DOCK1: variants seen among roughly 807,000 people sequenced by gnomAD.
The protein encoded by DOCK1 is dedicator of cytokinesis 1, also known as dedicator of cytokinesis protein 1.
DOCK1 carries 138 observed loss-of-function variants against 262.7 expected under a neutral mutation model. That is an observed-to-expected ratio of 0.53 (90% CI 0.46 to 0.61). DOCK1 has a LOEUF of 0.61. Among genes scored for constraint, DOCK1 ranks in the 20% least tolerant of loss-of-function variants. The probability of loss-of-function intolerance (pLI) is 0.00; values close to 1 mark genes in which losing one functional copy is unlikely to be tolerated. For synonymous variants in DOCK1, 866 were observed against 867.4 expected (o/e 1.00, Z 0.03); for missense variants, 1,908 against 2,370.7 (o/e 0.80, Z 4.05).
At chr10:127,025,786 G>A (rs1288174516) in intron 15 of DOCK1, among the ~76,000 whole-genome samples, 9 of 152,062 alleles carry the variant, frequency 5.9e-5, no homozygotes, top group African/African-American at 1.7e-4. Context: ...ATCTTGGCCG[G>A]ATGTGGTGGC....
intron 1 of DOCK1, among the ~76,000 whole-genome samples, chr10:126,912,725 CG>C (rs1315162501): frequency 3.7e-5 from 1 of 27,354 alleles, no homozygotes; most frequent in Non-Finnish European, 8.7e-5. Flanking sequence ...GACTCCATCT[CG>C]GAAAAAAAAA....
chr10:127,365,221 G>A (rs577495288), intron 33 of DOCK1, among the ~76,000 whole-genome samples: 253 of 152,352 alleles, frequency 1.7e-3, no homozygotes, highest in South Asian at 3.9e-3. Context: ...TAACTGTGCA[G>A]TGAACACATT....
intron 28 of DOCK1, among the ~76,000 whole-genome samples, chr10:127,252,146 G>C (rs1408510098): frequency 6.9e-6 from 1 of 144,414 alleles, no homozygotes; most frequent in Non-Finnish European, 1.5e-5. Flanking sequence ...GTGATGGTGA[G>C]CATTTTTTCA....
At chr10:127,128,797 A>G (rs959602598) in intron 27 of DOCK1, among the ~76,000 whole-genome samples, 1 of 152,162 alleles carries the variant, frequency 6.6e-6, no homozygotes, top group African/African-American at 2.4e-5. Flanking sequence ...ATGTACACGT[A>G]TGTTTATTGC....
At chr10:127,123,265 T>G (rs1408530049) in intron 25 of DOCK1, among the ~76,000 whole-genome samples, 5 of 88,468 alleles carry the variant, frequency 5.7e-5, no homozygotes, top group African/African-American at 1.4e-4. Flanking sequence ...CTCTGAGGTT[T>G]CTTGGAAATT....
intron 23 of DOCK1, among the ~76,000 whole-genome samples, chr10:127,084,752 C>A (rs2047100792): frequency 6.6e-6 from 1 of 152,172 alleles, no homozygotes; most frequent in African/African-American, 2.4e-5. Context: ...TCCACCTGTC[C>A]TCCACCCACC....
chr10:127,294,054 C>G (rs145196132), intron 29 of DOCK1, among the ~76,000 whole-genome samples: 1 of 152,168 alleles, frequency 6.6e-6, no homozygotes, highest in African/African-American at 2.4e-5. Flanking sequence ...AGTGTGTGCT[C>G]GCCCACGTTA....
At position 127,032,164 on chromosome 10, in the gene DOCK1, G is replaced by A. The variant is rs1356201975; in HGVS notation, c.1756G>A (p.Ala586Thr). ...KAEAKKLEDAATYLSLPSTKA... is the reference protein window; with the variant it reads ...KAEAKKLEDATTYLSLPSTKA... The stretch of plus-strand genomic sequence containing the variant: ...CGAAGCAAAGAAGCTGGAAGATGCT[G>A]CCACGTACTTGAGTCTGCCCTCCAC... Residue 586 changes from alanine to threonine, a missense_variant, in exon 18 of 52, where the codon GCC becomes ACC. Coordinates refer to ENST00000623213, the MANE Select transcript of DOCK1 (RefSeq NM_001290223.2). 1 of 1,596,638 alleles carries A rather than the reference G, an allele frequency of 6.3e-7. No homozygotes were observed. The highest frequency in any genetic ancestry group is 1.3e-5 in the African/African-American group (1 of 74,692).
chr10:127,241,156 C>G (rs779260943), intron 27 of DOCK1, among the ~76,000 whole-genome samples: 1 of 152,084 alleles, frequency 6.6e-6, no homozygotes, highest in Non-Finnish European at 1.5e-5. Context: ...AACCCTGTCT[C>G]TACTAAAAAT....
chr10:127,375,081 A>G (rs1482469669), intron 35 of DOCK1, among the ~76,000 whole-genome samples: 1 of 152,228 alleles, frequency 6.6e-6, no homozygotes, highest in Non-Finnish European at 1.5e-5. Context: ...TTGCCCTGAT[A>G]CAGCTGGGTT....
chr10:127,191,216 A>G (rs1026522935), intron 27 of DOCK1, among the ~76,000 whole-genome samples: 1 of 152,024 alleles, frequency 6.6e-6, no homozygotes, highest in Non-Finnish European at 1.5e-5. Flanking sequence ...GTAATCTCCT[A>G]TCCTGATTCT....
chr10:126,967,597 A>G (rs2037767026), intron 1 of DOCK1, among the ~76,000 whole-genome samples: 1 of 151,892 alleles, frequency 6.6e-6, no homozygotes, highest in African/African-American at 2.4e-5. Context: ...TCAGTGGCCC[A>G]TGCTCCCACG....
chr10:127,443,402 G>GCC (rs1416298626), intron 49 of DOCK1, among the ~76,000 whole-genome samples: 5 of 152,152 alleles, frequency 3.3e-5, no homozygotes, highest in Non-Finnish European at 7.3e-5. Flanking sequence ...GTGGAGAGCA[G>GCC]CCCCCAGGAG....
chr10:127,268,341 C>CA lies in DOCK1; in HGVS notation c.3044+10921dup, dbSNP rs796143900. Among the ~76,000 whole-genome samples the CA allele has an allele frequency of 1.7e-4, 26 of 149,872 alleles. 1 individual carries two copies. The highest frequency in any genetic ancestry group is 5.9e-4 in the East Asian group (3 of 5,100). ...TGAAACCCTGTCTGTACTAAAAATACAAAAAAAAATCAGCCAGGCATGGTG... is the reference window on the plus strand; with the variant it reads ...TGAAACCCTGTCTGTACTAAAAATACAAAAAAAAAATCAGCCAGGCATGGTG... On this transcript the variant is annotated intron_variant, in intron 29 of 51. Coordinates refer to ENST00000623213, the MANE Select transcript of DOCK1 (RefSeq NM_001290223.2).
At chr10:126,963,640 C>CT (rs1478977215) in intron 1 of DOCK1, among the ~76,000 whole-genome samples, 32 of 65,092 alleles carry the variant, frequency 4.9e-4, no homozygotes, top group Admixed American at 1.7e-3. Context: ...CTTCCCTTCC[C>CT]TCCTTCCTTC....
chr10:127,096,607 T>C (rs993262573), intron 23 of DOCK1, among the ~76,000 whole-genome samples: 1 of 152,112 alleles, frequency 6.6e-6, no homozygotes, highest in Non-Finnish European at 1.5e-5. Context: ...ATTAAAATAA[T>C]TATACTGAAT....
At chr10:126,999,953 G>A (rs556702359) in intron 9 of DOCK1, among the ~76,000 whole-genome samples, 2 of 152,300 alleles carry the variant, frequency 1.3e-5, no homozygotes, top group African/African-American at 4.8e-5. Flanking sequence ...GGGATTACAG[G>A]TGTGAGGCAC....
intron 30 of DOCK1, among the ~76,000 whole-genome samples, chr10:127,340,019 G>A (rs538559431): frequency 1.3e-3 from 191 of 152,176 alleles, no homozygotes; most frequent in Middle Eastern, 3.4e-3. Context: ...TTACCCAATA[G>A]CAAATAATAA....
intron 27 of DOCK1, among the ~76,000 whole-genome samples, chr10:127,201,504 T>G (rs2057458525): frequency 6.6e-6 from 1 of 152,230 alleles, no homozygotes; most frequent in Non-Finnish European, 1.5e-5. Context: ...GAGGACTCGT[T>G]GAGATCCCTG....
Sources: allele counts gnomAD v4.1 joint callset (sites outside exome capture counted in the v4.1 genomes callset), GRCh38; gene constraint gnomAD v4.1.1; transcripts MANE v1.5; gene names NCBI Gene and HGNC (gene_info 2026-07-23, HGNC 2026-07-21).